The following SCRN2 variants were observed in gnomAD, a reference collection of about 807,000 sequenced individuals.
The protein encoded by SCRN2 is secernin-2.
Under a neutral mutation model 40.1 loss-of-function variants are expected in SCRN2, and 30 were observed. The observed-to-expected ratio is 0.75, with a 90% CI of 0.56 to 1.01. The LOEUF (loss-of-function observed/expected upper bound fraction) is 1.01, where lower values mean the gene tolerates loss of function less well. SCRN2 is among the 50% of genes least tolerant of loss of function. The pLI, the probability that SCRN2 is intolerant of heterozygous loss-of-function variation, is 0.00. For missense variants in SCRN2, 526 were observed against 564.9 expected (o/e 0.93, Z 0.70); for synonymous variants, 240 against 233.5 (o/e 1.03, Z -0.25).
At position 47,840,659 on chromosome 17, in the gene SCRN2, G is replaced by A; in HGVS notation, c.174+11C>T. The A allele has an allele frequency of 6.3e-7, 1 of 1,596,542 alleles. No individual in the cohort carries two copies. The highest frequency in any genetic ancestry group is 8.5e-7 in the Non-Finnish European group (1 of 1,171,420). ...GCCACACCTCCCAGCACCCCATAAA[G>A]TCTAACCCACCTGGAGCCGGCTCCC... On this transcript the variant is annotated intron_variant, in intron 2 of 7. Coordinates refer to ENST00000290216, the MANE Select transcript of SCRN2 (RefSeq NM_138355.4).
In SCRN2 at chr17:47,840,038, T is replaced by A. The variant is rs545344687; in HGVS notation, c.356+153A>T. ...GGAGAGGCCCAAAGGTGGCTGCTGC[T>A]GCAGCCTTCTTCACGAAGGCACAAG... is the stretch of plus-strand genomic sequence containing the variant. On this transcript the variant is annotated intron_variant, in intron 3 of 7. Coordinates refer to ENST00000290216, the MANE Select transcript of SCRN2 (RefSeq NM_138355.4). 9 of 692,000 alleles carry A rather than the reference T, an allele frequency of 1.3e-5. No individual in the cohort carries two copies. The East Asian group carries it at 2.5e-4, about 19-fold the overall frequency. 42.9% of individuals were successfully genotyped at this position (692,000 alleles called of 1,614,324 possible).
At chr17:47,839,080 G>C (rs1163140878) in intron 4 of SCRN2, 74 bp from the exon 5 acceptor site, 1 of 1,516,164 alleles carries the variant, frequency 6.6e-7, no homozygotes, top group Non-Finnish European at 9.0e-7. Flanking sequence ...GCGAGGTGCT[G>C]AGAACATGGT....
intron 4 of SCRN2, among the ~76,000 whole-genome samples, 198 bp from the exon 5 acceptor site, chr17:47,839,204 G>A (rs1175857791): frequency 1.3e-5 from 2 of 152,222 alleles, no homozygotes; most frequent in Non-Finnish European, 2.9e-5. Flanking sequence ...TGAAAAAGAA[G>A]TACCTGCTTG....
rs367577756 is a variant in SCRN2 at position 47,838,458 on chromosome 17, G to T, written c.939-8C>A. On this transcript the variant is annotated splice_polypyrimidine_tract_variant and splice_region_variant and intron_variant, in intron 6 of 7. Transcript: ENST00000290216. ...AAAGGTTTGAACACAGACCTAGAGGGGCACAGATGGAAGCACGGAGATATA... is the reference window on the plus strand; with the variant it reads ...AAAGGTTTGAACACAGACCTAGAGGTGCACAGATGGAAGCACGGAGATATA... 8.7e-6 allele frequency: 14 copies of T among 1,613,554 alleles called. No homozygotes were observed. Among genetic ancestry groups the T allele is most frequent in the Non-Finnish European group, 1.2e-5 (14 of 1,179,880 alleles).
intron 6 of SCRN2, 25 bp from the exon 7 acceptor site, chr17:47,838,475 G>A (rs888310777): frequency 1.6e-5 from 26 of 1,613,620 alleles, no homozygotes; most frequent in Admixed American, 3.3e-5. Context: ...ATGGAAGCAC[G>A]GAGATATATC....
At chr17:47,839,044 A>G in intron 4 of SCRN2, 38 bp from the exon 5 acceptor site, 1 of 1,604,244 alleles carries the variant, frequency 6.2e-7, no homozygotes, top group South Asian at 1.1e-5. Context: ...TTTACCATTG[A>G]GCATCTATTC....
chr17:47,838,642 A>C lies in SCRN2; in HGVS notation c.827T>G (p.Ile276Ser). The C allele has an allele frequency of 2.5e-6, 4 of 1,614,048 alleles. No homozygotes were observed. The highest frequency in any genetic ancestry group is 3.4e-6 in the Non-Finnish European group (4 of 1,180,006). Residue 276 changes from isoleucine to serine, a missense_variant, in exon 6 of 8, where the codon ATC becomes AGC. By Grantham distance (142) the Ile-to-Ser change is moderately radical (BLOSUM62 -2). Transcript: ENST00000290216. The stretch of plus-strand genomic sequence containing the variant: ...GCGAAAGCCTCCCGAGTCCATACAG[A>C]TACCACTCTCCTTGTCTCTGAGGAT... ...MGILRDKESG[I>S]CMDSGGFRTT...
In SCRN2 at chr17:47,838,390, G is replaced by T; in HGVS notation, c.999C>A (p.Ser333=). 6.2e-7 allele frequency: 1 copy of T among 1,609,642 alleles called. No homozygotes were observed. The highest frequency in any genetic ancestry group is 8.5e-7 in the Non-Finnish European group (1 of 1,178,770). Residue 333 remains serine, a synonymous_variant, in exon 7 of 8, where the codon TCC becomes TCA. Transcript: ENST00000290216. ...CAGGGTCTTGTGCTCCAAAAGTGGG[G>T]GACAGCACCTGGGGGGCCTGGGCCA... ...MGVAQAPQVL[S]PTFGAQDPVR...
At chr17:47,839,049 C>A in intron 4 of SCRN2, 43 bp from the exon 5 acceptor site, 2 of 1,597,290 alleles carry the variant, frequency 1.3e-6, no homozygotes, top group African/African-American at 1.3e-5. Flanking sequence ...CATTGAGCAT[C>A]TATTCTATGC....
intron 1 of SCRN2, 132 bp downstream of exon 1, chr17:47,841,066 TGGGAGTCCCG>T (rs2033814821): frequency 2.4e-6 from 1 of 417,770 alleles, no homozygotes; most frequent in African/African-American, 2.1e-5. Context: ...CCGCCCCCAC[TGGGAGTCCCG>T]GCCCTTCGGA....
rs200222425 is a variant in SCRN2 at position 47,840,755 on chromosome 17, G to C, written c.89C>G (p.Ala30Gly). ...GTCCCGGGGTCGGTCCGAGTTCTTG[G>C]CAAAGATCACAGCCGGGATGGCTGA... ...PASAIPAVIF[A>G]KNSDRPRDEV... The change falls in exon 2 of 8, where the codon GCC becomes GGC. Residue 30 changes from alanine (A) to glycine (G), a missense_variant. By Grantham distance (60) the Ala-to-Gly change is moderately conservative. Transcript: ENST00000290216. The C allele has an allele frequency of 1.9e-6, 3 of 1,594,838 alleles. No homozygotes were observed. The Admixed American group carries it at 5.3e-5, about 28-fold the overall frequency.
At chr17:47,839,781 C>G (rs1004770) in intron 3 of SCRN2, 138 bp from the exon 4 acceptor site, 260,279 of 815,390 alleles carry the variant, frequency 0.32, 47,051 homozygotes, top group Non-Finnish European at 0.38. Context: ...TGGCACTGAT[C>G]GTATCAAATG....
chr17:47,840,781 G>A lies in SCRN2; in HGVS notation c.63C>T (p.Ala21=). 6.3e-7 allele frequency: 1 copy of A among 1,583,936 alleles called. No homozygotes were observed. Among genetic ancestry groups the A allele is most frequent in the Non-Finnish European group, 8.6e-7 (1 of 1,162,986 alleles). ...SCDCFVSVPP[A]SAIPAVIFAK... is the part of the protein sequence containing the mutation. The stretch of plus-strand genomic sequence containing the variant: ...CAAAGATCACAGCCGGGATGGCTGA[G>A]GCCGGGGGCACGGAGACAAAGCAGT... Residue 21 remains alanine (A), a synonymous_variant, in exon 2 of 8, where the codon GCC becomes GCT. Transcript: ENST00000290216.
chr17:47,838,891 A>G lies in SCRN2; in HGVS notation c.672T>C (p.Phe224=), dbSNP rs759854093. ...AKGWWDGQGA[F]DFAQIFSLTQ... ...TCAGGGAGAAGATCTGAGCAAAGTCAAAGGCACCCTGCCCATCCCACCAGC... is the reference window on the plus strand; with the variant it reads ...TCAGGGAGAAGATCTGAGCAAAGTCGAAGGCACCCTGCCCATCCCACCAGC... Residue 224 remains phenylalanine (F), a synonymous_variant, in exon 5 of 8, where the codon TTT becomes TTC. Transcript: ENST00000290216. 78 of 1,613,750 alleles carry G rather than the reference A, an allele frequency of 4.8e-5. No individual in the cohort carries two copies. Among genetic ancestry groups the G allele is most frequent in the Non-Finnish European group, 6.0e-5 (71 of 1,180,058 alleles).
Position 47,840,224 on chromosome 17 carries a change from T to G in SCRN2, c.323A>C (p.Glu108Ala). The change falls in exon 3 of 8, where the codon GAG (glutamate) becomes GCG (alanine). Residue 108 changes from glutamate (E) to alanine (A), a missense_variant. Physicochemically the swap from Glu to Ala is moderately radical, Grantham distance 107. Transcript: ENST00000290216. ...EAVWTKEPVG[E>A]GEALLGMDLL... ...GTCCATGCCCAGCAGGGCTTCCCCC[T>G]CCCCAACTGGCTCCTTCGTCCACAC... 6.2e-7 allele frequency: 1 copy of G among 1,613,886 alleles called. No individual in the cohort carries two copies. Among genetic ancestry groups the G allele is most frequent in the Non-Finnish European group, 8.5e-7 (1 of 1,179,998 alleles).
At position 47,840,310 on chromosome 17, in the gene SCRN2, A is replaced by T; in HGVS notation, c.237T>A (p.Ser79=). 6.2e-7 allele frequency: 1 copy of T among 1,614,216 alleles called. No individual in the cohort carries two copies. The highest frequency in any genetic ancestry group is 8.5e-7 in the Non-Finnish European group (1 of 1,180,034). ...KTHAVILSRP[S]WLWGAEMGAN... ...CGCCCATCTCAGCCCCCCATAGCCA[A>T]GAAGGACGGCTCAGAATCACAGCGT... The change falls in exon 3 of 8, where the codon TCT becomes TCA. Residue 79 remains serine, a synonymous_variant. Coordinates refer to ENST00000290216, the MANE Select transcript of SCRN2 (RefSeq NM_138355.4).
intron 5 of SCRN2, 32 bp downstream of exon 5, chr17:47,838,759 C>T: frequency 1.9e-6 from 3 of 1,610,844 alleles, no homozygotes; most frequent in Non-Finnish European, 2.5e-6. Context: ...TGTGGCCCTC[C>T]TGGCCCCCAG....
At position 47,838,852 on chromosome 17, in the gene SCRN2, C is replaced by T. The variant is rs1467119982; in HGVS notation, c.711G>A (p.Val237=). 4.3e-6 allele frequency: 7 copies of T among 1,613,560 alleles called. No homozygotes were observed. In the African/African-American group the frequency reaches 8.0e-5, roughly 18 times the overall value. The change falls in exon 5 of 8, where the codon GTG becomes GTA. Residue 237 remains valine (V), a synonymous_variant. Transcript: ENST00000290216. ...AQIFSLTQQP[V]RMEAAKARFQ... is the part of the protein sequence containing the mutation. ...AGCGGGCCTTGGCAGCCTCCATGCG[C>T]ACAGGCTGCTGGGTCAGGGAGAAGA... is the stretch of plus-strand genomic sequence containing the variant.
chr17:47,838,950 G>A lies in SCRN2; in HGVS notation c.613C>T (p.His205Tyr). The A allele has an allele frequency of 3.7e-6, 6 of 1,614,054 alleles. No homozygotes were observed. The highest frequency in any genetic ancestry group is 5.1e-6 in the Non-Finnish European group (6 of 1,180,054). The change falls in exon 5 of 8, where the codon CAC becomes TAC. Residue 205 changes from histidine (H) to tyrosine (Y), a missense_variant. Transcript: ENST00000290216. ...TGGGCATGAGTCCGCAGCTCCGGGT[G>A]TTGGGCCGAGATGTCCGTGCCAATG... ...LSIGTDISAQHPELRTHAQAK... is the reference protein window; with the variant it reads ...LSIGTDISAQYPELRTHAQAK...
Sources: gnomAD v4.1 joint callset for allele counts (sites outside exome capture counted in the v4.1 genomes callset) on GRCh38, gnomAD v4.1.1 for gene constraint, MANE v1.5 for transcripts, NCBI Gene and HGNC (gene_info 2026-07-23, HGNC 2026-07-21) for gene names.